TMEM181: variants seen among roughly 807,000 people sequenced by gnomAD.
The protein encoded by TMEM181 is transmembrane protein 181.
A neutral mutation model predicts 71.9 loss-of-function variants in TMEM181; 39 were observed. The ratio of observed to expected loss-of-function variants is 0.54; its 90% CI spans 0.42 to 0.71. TMEM181 has a LOEUF of 0.71. TMEM181 is among the 30% of genes least tolerant of loss of function. The pLI is 0.00. For missense variants in TMEM181, 595 were observed against 583.0 expected (o/e 1.02, Z -0.21); for synonymous variants, 245 against 228.8 (o/e 1.07, Z -0.64).
chr6:158,625,891 A>G, intron 13 of TMEM181, 137 bp downstream of exon 13: 1 of 783,556 alleles, frequency 1.3e-6, no homozygotes, highest in Non-Finnish European at 2.1e-6. Context: ...AGGGCCTCCC[A>G]CCAAGGCTGG....
chr6:158,600,458 ATTTTTTTTTTTTTT>A (rs61457107), intron 6 of TMEM181, among the ~76,000 whole-genome samples: 8 of 91,850 alleles, frequency 8.7e-5, no homozygotes, highest in Admixed American at 1.2e-4. Context: ...CCTAGGGTTA[ATTTTTTTTTTTTTT>A]TTTTTTTTTT....
At chr6:158,545,195 C>T (rs1781488824) in intron 1 of TMEM181, among the ~76,000 whole-genome samples, 1 of 152,258 alleles carries the variant, frequency 6.6e-6, no homozygotes. Flanking sequence ...CGCTTTCTTC[C>T]TTACCCCATG....
chr6:158,549,665 GAAGACA>G (rs1781656516), intron 1 of TMEM181, among the ~76,000 whole-genome samples: 1 of 152,196 alleles, frequency 6.6e-6, no homozygotes, highest in African/African-American at 2.4e-5. Flanking sequence ...GGCGGTAAAG[GAAGACA>G]AAGGTTTTTA....
intron 1 of TMEM181, among the ~76,000 whole-genome samples, chr6:158,540,942 A>T (rs1012657485): frequency 2.0e-5 from 3 of 152,074 alleles, no homozygotes; most frequent in Non-Finnish European, 4.4e-5. Flanking sequence ...TGTTCATTTG[A>T]ATTTTTTCGT....
intron 1 of TMEM181, among the ~76,000 whole-genome samples, chr6:158,547,939 A>G (rs905970696): frequency 6.0e-5 from 9 of 150,328 alleles, no homozygotes; most frequent in African/African-American, 2.2e-4. Context: ...AGTTGGTGAA[A>G]GCCATGGAGA....
chr6:158,610,139 G>A (rs1171406823), intron 10 of TMEM181: 1 of 222,832 alleles, frequency 4.5e-6, no homozygotes, highest in African/African-American at 2.3e-5. Context: ...AGCTCAAGCT[G>A]TCTCTTAAAT....
intron 10 of TMEM181, among the ~76,000 whole-genome samples, chr6:158,613,809 GGAACTA>G (rs1785462210): frequency 6.6e-6 from 1 of 152,202 alleles, no homozygotes; most frequent in Non-Finnish European, 1.5e-5. Context: ...AAATTCTAGA[GGAACTA>G]GGCAGAGAGA....
At chr6:158,564,293 G>C (rs777064780) in intron 1 of TMEM181, among the ~76,000 whole-genome samples, 9 of 152,186 alleles carry the variant, frequency 5.9e-5, no homozygotes, top group Non-Finnish European at 8.8e-5. Context: ...TTCTGGGTGT[G>C]CATTTGTGGG....
chr6:158,603,343 G>T (rs2128313721), intron 6 of TMEM181, among the ~76,000 whole-genome samples: 1 of 152,258 alleles, frequency 6.6e-6, no homozygotes, highest in South Asian at 2.1e-4. Context: ...CTCGTAAGGA[G>T]CGTGCAGCCT....
exon 1 of TMEM181, chr6:158,536,798 C>G (rs1199794854): frequency 1.3e-6 from 2 of 1,560,842 alleles, no homozygotes; most frequent in Non-Finnish European, 1.7e-6. Flanking sequence ...CCTGTGCCGG[C>G]GGCTGCGGGA....
chr6:158,548,841 C>T (rs1781628041), intron 1 of TMEM181, among the ~76,000 whole-genome samples: 1 of 152,162 alleles, frequency 6.6e-6, no homozygotes, highest in South Asian at 2.1e-4. Context: ...AAATAAAATA[C>T]GTGTTTCGGT....
chr6:158,583,352 G>A (rs968043298), intron 3 of TMEM181, among the ~76,000 whole-genome samples: 2 of 152,056 alleles, frequency 1.3e-5, no homozygotes, highest in African/African-American at 2.4e-5. Flanking sequence ...TTCCAAGATG[G>A]TTTTTTTCTT....
chr6:158,605,131 A>AGTGTGGGTGT, intron 6 of TMEM181, 136 bp from the exon 7 acceptor site: 1 of 159,686 alleles, frequency 6.3e-6, no homozygotes, highest in Non-Finnish European at 1.2e-5. Flanking sequence ...AAAAAAAAAA[A>AGTGTGGGTGT]GTGTGTGTGT....
In TMEM181 at chr6:158,628,854, C is replaced by T. The variant is rs535910216; in HGVS notation, c.1192+364C>T. ...ATGAGGTGCGGTTGCCTCTCCACAC[C>T]GCGGGGCTCCAAGCCCCTACTGCCC... On this transcript the variant is annotated intron_variant, in intron 14 of 16. Transcript: ENST00000684151. 1.1e-4 allele frequency among the ~76,000 whole-genome samples: 17 copies of T among 152,352 alleles called. No homozygotes were observed. The South Asian group carries it at 2.3e-3, about 20-fold the overall frequency.
At chr6:158,571,307 A>C (rs777818100) in intron 1 of TMEM181, among the ~76,000 whole-genome samples, 2 of 149,064 alleles carry the variant, frequency 1.3e-5, no homozygotes, top group Admixed American at 6.7e-5. Flanking sequence ...CCGTGTTAGC[A>C]GGATGGTCTC....
Position 158,625,132 on chromosome 6 carries a change from C to G in TMEM181, c.983C>G (p.Ala328Gly). The G allele has an allele frequency of 6.2e-7, 1 of 1,614,180 alleles. No homozygotes were observed. The highest frequency in any genetic ancestry group is 1.3e-5 in the African/African-American group (1 of 75,054). ...QGMKVFFMVVAAVYILYLLFL... is the reference protein window; with the variant it reads ...QGMKVFFMVVGAVYILYLLFL... ...ATGAAGGTCTTCTTCATGGTGGTGG[C>G]AGCGGTGTACATTCTGTACCTCTTG... The change falls in exon 12 of 17, where the codon GCA (alanine) becomes GGA (glycine). Residue 328 changes from alanine (A) to glycine (G), a missense_variant. Coordinates refer to ENST00000684151, the MANE Select transcript of TMEM181 (RefSeq NM_001376852.1).
chr6:158,580,385 A>C (rs1029362265), intron 2 of TMEM181, among the ~76,000 whole-genome samples: 3 of 152,186 alleles, frequency 2.0e-5, no homozygotes, highest in African/African-American at 7.2e-5. Flanking sequence ...TTAAGATGGC[A>C]AATCTTATGT....
upstream of TMEM181, among the ~76,000 whole-genome samples, chr6:158,558,865 C>CTCACCCCTTCCCGCGCCCCACG (rs1163075765): frequency 1.3e-5 from 2 of 152,190 alleles, no homozygotes; most frequent in African/African-American, 4.8e-5. Flanking sequence ...CTCCCTCCGA[C>CTCACCCCTTCCCGCGCCCCACG]TCACCCCTTC....
intron 1 of TMEM181, chr6:158,536,899 G>A (rs1781129940): frequency 7.6e-7 from 1 of 1,312,406 alleles, no homozygotes. Context: ...GGGGCGGCCG[G>A]AGGCTTCCGG....
Sources: gnomAD v4.1 joint callset for allele counts (sites outside exome capture counted in the v4.1 genomes callset) on GRCh38, gnomAD v4.1.1 for gene constraint, MANE v1.5 for transcripts, NCBI Gene and HGNC (gene_info 2026-07-23, HGNC 2026-07-21) for gene names.